MTG1: variants seen among roughly 807,000 people sequenced by gnomAD.
MTG1 encodes the protein mitochondrial ribosome associated GTPase 1, also known as mitochondrial ribosome-associated GTPase 1.
In MTG1, 30 loss-of-function variants were observed where a neutral mutation model predicts 39.5. The ratio of observed to expected loss-of-function variants is 0.76; its 90% CI spans 0.57 to 1.03. The LOEUF (loss-of-function observed/expected upper bound fraction) is 1.03. MTG1 is among the 50% of genes least tolerant of loss of function. The pLI is 0.00. For missense variants in MTG1, 513 were observed against 447.4 expected, an observed-to-expected ratio of 1.15 and a Z score of -1.32; for synonymous variants, 217 against 179.0, an observed-to-expected ratio of 1.21 and a Z score of -1.69.
Position 133,420,158 on chromosome 10 carries a change from T to C in MTG1, c.998T>C (p.Leu333Ser). The C allele has an allele frequency of 6.2e-7, 1 of 1,609,864 alleles. No homozygotes were observed. Among genetic ancestry groups the C allele is most frequent in the Admixed American group, 1.7e-5 (1 of 59,680 alleles). Residue 333 changes from leucine (L) to serine (S), a missense_variant, in exon 11 of 11, where the codon TTG (leucine) becomes TCG (serine). Coordinates refer to ENST00000317502, the MANE Select transcript of MTG1 (RefSeq NM_138384.4). ...VLRGHPPAET[L>S]P ...CGGGGCCACCCCCCGGCTGAGACTT[T>C]GCCCTGAACTTGTCCGGGTAGGGAG...
chr10:133,402,367 G>A lies in MTG1; in HGVS notation c.670+122G>A. 1 of 1,167,954 alleles carries A rather than the reference G, an allele frequency of 8.6e-7. No homozygotes were observed. Among genetic ancestry groups the A allele is most frequent in the Non-Finnish European group, 1.3e-6 (1 of 796,386 alleles). 72.3% of individuals were successfully genotyped at this position (1,167,954 alleles called of 1,614,324 possible). A position where few individuals can be genotyped will look rare whatever the true frequency, so the allele number is the denominator to read the frequency against. ...TGTTACTGCCTTTGACCTGGTTGCT[G>A]CCAGACCTTCCTCGAAGCTTAGTGT... On this transcript the variant is annotated intron_variant, in intron 8 of 10. Transcript: ENST00000317502. The surrounding 1 kb of genome is among the most constrained non-coding windows in gnomAD (Gnocchi z 4.7).
intron 10 of MTG1, among the ~76,000 whole-genome samples, 171 bp downstream of exon 10, chr10:133,419,763 G>A (rs1465483793): frequency 6.6e-6 from 1 of 152,212 alleles, no homozygotes; most frequent in Non-Finnish European, 1.5e-5. Context: ...GAGAGGAAGG[G>A]CTTGTAGTCC....
rs528288222 is a variant in MTG1 at position 133,402,065 on chromosome 10, C to T, written c.574-84C>T. 5 of 1,551,800 alleles carry T rather than the reference C, an allele frequency of 3.2e-6. No homozygotes were observed. In the East Asian group the frequency reaches 1.1e-4, roughly 35 times the overall value. On this transcript the variant is annotated intron_variant, in intron 7 of 10. Transcript: ENST00000317502. This position sits in a 1 kb window ranked among gnomAD's most constrained non-coding sequence, Gnocchi z 4.7. ...AGGCCTTCCTCGGAGCATTGGGTGC[C>T]AGGGGCTGCCCAGGCTTCCTGAGTG...
chr10:133,411,193 G>A (rs1471183932), intron 9 of MTG1, among the ~76,000 whole-genome samples: 2 of 150,508 alleles, frequency 1.3e-5, no homozygotes, highest in Non-Finnish European at 3.0e-5. Flanking sequence ...TTGAAGGTGT[G>A]TCCTCAGTTG....
intron 5 of MTG1, 71 bp from the exon 6 acceptor site, chr10:133,399,458 G>C: frequency 1.3e-6 from 2 of 1,493,174 alleles, no homozygotes; most frequent in South Asian, 1.1e-5. Context: ...CCCCTTGCCT[G>C]GGTGGGGTTG....
intron 9 of MTG1, among the ~76,000 whole-genome samples, chr10:133,415,791 GTTT>G (rs1045710073): frequency 2.0e-5 from 3 of 152,194 alleles, no homozygotes; most frequent in Non-Finnish European, 4.4e-5. Flanking sequence ...ATCTGCAGGT[GTTT>G]TTTCTGTCCC....
chr10:133,419,882 T>A, intron 10 of MTG1, 144 bp from the exon 11 acceptor site: 13 of 1,028,842 alleles, frequency 1.3e-5, no homozygotes, highest in Non-Finnish European at 1.7e-5. Context: ...TAGCTCAAGC[T>A]GTTTTCTTTC....
chr10:133,408,346 A>G (rs574640945), intron 9 of MTG1, among the ~76,000 whole-genome samples: 2 of 152,186 alleles, frequency 1.3e-5, no homozygotes, highest in Non-Finnish European at 2.9e-5. Flanking sequence ...GTTCTGTTTA[A>G]TGTTATATGT....
intron 9 of MTG1, among the ~76,000 whole-genome samples, chr10:133,416,535 T>C (rs1850136582): frequency 7.1e-6 from 1 of 141,014 alleles, no homozygotes; most frequent in Non-Finnish European, 1.5e-5. Flanking sequence ...GTATATCTCC[T>C]AATGCTATCC....
chr10:133,400,076 C>T (rs971485012), intron 6 of MTG1, among the ~76,000 whole-genome samples: 12 of 152,102 alleles, frequency 7.9e-5, no homozygotes, highest in Non-Finnish European at 1.2e-4. Flanking sequence ...CCTGTAGTCC[C>T]AGCCACTTAG....
At chr10:133,414,445 G>A (rs185525746) in intron 9 of MTG1, among the ~76,000 whole-genome samples, 2,916 of 152,274 alleles carry the variant, frequency 0.019, 49 homozygotes, top group Middle Eastern at 0.048. Flanking sequence ...ACTCCCAGAC[G>A]GGGTGGTGGC....
rs1850211637 is a variant in MTG1 at position 133,420,323 on chromosome 10, C to G, written c.*158C>G. The G allele has an allele frequency of 1.1e-6, 1 of 903,092 alleles. No individual in the cohort carries two copies. The highest frequency in any genetic ancestry group is 1.6e-6 in the Non-Finnish European group (1 of 640,674). The allele number at this position is 903,092 out of a possible 1,614,324, so 55.9% of individuals were successfully genotyped here. On this transcript the variant is annotated 3_prime_UTR_variant, in exon 11 of 11. Transcript: ENST00000317502. ...CCACAGCCTGGCCAGCTCCAGGGAC[C>G]CCAGTTGCAGGGCCCAAGCAGGTGG... is the stretch of plus-strand genomic sequence containing the variant.
At chr10:133,419,002 G>A (rs1850180866) in intron 9 of MTG1, among the ~76,000 whole-genome samples, 2 of 152,226 alleles carry the variant, frequency 1.3e-5, no homozygotes, top group East Asian at 1.9e-4. Flanking sequence ...ACACCCAGCC[G>A]GGTGGAGAGG....
Position 133,396,303 on chromosome 10 carries a change from G to A in MTG1, c.282+36G>A, listed in dbSNP as rs561917931. 5.8e-6 allele frequency: 9 copies of A among 1,557,758 alleles called. No individual in the cohort carries two copies. The South Asian group carries it at 1.0e-4, about 17-fold the overall frequency. On this transcript the variant is annotated intron_variant, in intron 3 of 10. Transcript: ENST00000317502. ...TTCTCTCAGACGCCTTCAGCAGTGT[G>A]GCTGTGTTTTCCCGAGGTCGCTTGT...
In MTG1 at chr10:133,415,039, G is replaced by A. The variant is rs1007183731; in HGVS notation, c.753-4441G>A. ...AAACCAGTCAGGCGTGGTGGCGCGC[G>A]CCTGCAATTGGAGGCACTCGGCAGG... On this transcript the variant is annotated intron_variant, in intron 9 of 10. Transcript: ENST00000317502. Among the ~76,000 whole-genome samples the A allele has an allele frequency of 6.6e-5, 10 of 152,362 alleles. 1 individual carries two copies. Among genetic ancestry groups the A allele is most frequent in the East Asian group, 5.8e-4 (3 of 5,188 alleles).
chr10:133,398,392 C>T (rs759018019), intron 3 of MTG1, 43 bp from the exon 4 acceptor site: 8 of 1,594,550 alleles, frequency 5.0e-6, no homozygotes, highest in Non-Finnish European at 6.8e-6. Flanking sequence ...AGAGCCAAGA[C>T]TCCAGTAAAA....
At chr10:133,394,444 C>T (rs900466779) in intron 1 of MTG1, 112 bp downstream of exon 1, 119 of 1,324,224 alleles carry the variant, frequency 9.0e-5, no homozygotes, top group Middle Eastern at 2.5e-4. Context: ...TGGGCTGGCC[C>T]CGCCCCTCCT....
intron 5 of MTG1, 87 bp from the exon 6 acceptor site, chr10:133,399,442 T>TG: frequency 7.2e-7 from 1 of 1,394,970 alleles, no homozygotes; most frequent in Non-Finnish European, 1.0e-6. Flanking sequence ...TGACCTGGCC[T>TG]GGGGTCCCCT....
intron 2 of MTG1, 105 bp downstream of exon 2, chr10:133,395,882 A>C (rs1849774956): frequency 8.5e-7 from 1 of 1,170,482 alleles, no homozygotes; most frequent in Non-Finnish European, 1.2e-6. Flanking sequence ...GCCCCTTTCT[A>C]GACCAGTTAA....
Sources: gnomAD v4.1 joint callset for allele counts (sites outside exome capture counted in the v4.1 genomes callset) on GRCh38, gnomAD v4.1.1 for gene constraint, Gnocchi (gnomAD v3.1) non-coding constraint, MANE v1.5 for transcripts, NCBI Gene and HGNC (gene_info 2026-07-23, HGNC 2026-07-21) for gene names.